The following TBL1X variants were observed in gnomAD, a reference collection of about 807,000 sequenced individuals.
TBL1X encodes transducin beta like 1 X-linked.
Under a neutral mutation model 50.7 loss-of-function variants are expected in TBL1X, and 10 were observed. The observed-to-expected ratio is 0.20, with a 90% CI of 0.12 to 0.33. The LOEUF (loss-of-function observed/expected upper bound fraction) is 0.33, where lower values mean the gene tolerates loss of function less well. TBL1X is among the 10% of genes least tolerant of loss of function. The probability of loss-of-function intolerance (pLI) is 1.00; values close to 1 mark genes in which losing one functional copy is unlikely to be tolerated. For missense variants in TBL1X, 340 were observed against 504.4 expected, an observed-to-expected ratio of 0.67 and a Z score of 3.12; for synonymous variants, 190 against 214.7, an observed-to-expected ratio of 0.88 and a Z score of 1.01.
At chrX:9,687,891 C>T in intron 6 of TBL1X, 126 bp from the exon 7 acceptor site, 2 of 1,087,714 alleles carry the variant, frequency 1.8e-6, no homozygotes, top group Non-Finnish European at 2.4e-6. Context: ...CCCGTGGCCC[C>T]CTGGTTGCTG....
At chrX:9,512,057 C>G (rs1384088437) in intron 2 of TBL1X, among the ~76,000 whole-genome samples, 1 of 110,702 alleles carries the variant, frequency 9.0e-6, no homozygotes, top group African/African-American at 3.3e-5. Flanking sequence ...TGGGGTCTCC[C>G]TATGTTGCCC....
chrX:9,711,829 C>G, intron 16 of TBL1X, 53 bp downstream of exon 16: 1 of 1,129,290 alleles, frequency 8.9e-7, no homozygotes, highest in Non-Finnish European at 1.2e-6. Flanking sequence ...GCCCAAATAG[C>G]CACGACTCCA....
chrX:9,573,897 A>G (rs748625815), intron 2 of TBL1X, among the ~76,000 whole-genome samples: 1 of 112,819 alleles, frequency 8.9e-6, no homozygotes, highest in East Asian at 2.8e-4. Flanking sequence ...GGTGGAGGAT[A>G]GCCCCAGCTC....
chrX:9,622,650 T>C (rs1283304194), intron 2 of TBL1X, among the ~76,000 whole-genome samples: 1 of 110,959 alleles, frequency 9.0e-6, no homozygotes, highest in Non-Finnish European at 1.9e-5. Context: ...TTTGCTTGTT[T>C]GTTTGTTTCT....
chrX:9,688,225 A>C lies in TBL1X; in HGVS notation c.566A>C (p.Lys189Thr). 8.3e-7 allele frequency: 1 copy of C among 1,200,180 alleles called. No individual in the cohort carries two copies. Among genetic ancestry groups the C allele is most frequent in the Non-Finnish European group, 1.1e-6 (1 of 889,329 alleles). Reference protein sequence around the residue: ...SAGVSHQNPSKNREATVNGEE... With the variant: ...SAGVSHQNPSTNREATVNGEE... ...GGCGTTTCCCACCAAAATCCATCGA[A>C]GAACAGAGAGGCCACGGTGAATGGG... The change falls in exon 7 of 18, where the codon AAG (lysine) becomes ACG (threonine). Residue 189 changes from lysine (K) to threonine (T), a missense_variant. Transcript: ENST00000645353.
intron 2 of TBL1X, among the ~76,000 whole-genome samples, chrX:9,583,492 T>C (rs1488992014): frequency 2.7e-5 from 3 of 111,780 alleles, no homozygotes; most frequent in African/African-American, 9.8e-5. Flanking sequence ...ATCTTTGTGT[T>C]GTAGGGTTTT....
intron 5 of TBL1X, among the ~76,000 whole-genome samples, chrX:9,674,495 C>G (rs978719662): frequency 4.5e-5 from 5 of 111,578 alleles, no homozygotes; most frequent in Non-Finnish European, 1.9e-5. Context: ...CTCCTGGGCT[C>G]AAGCGATTCA....
rs184016943 is a variant in TBL1X at position 9,567,385 on chromosome X, G to A, written c.-131+65536G>A. ...GTGCACCGCCACTGCAGCTGTTCTT[G>A]AAGAAGTGGCCAGAAGAGTGAAATT... On this transcript the variant is annotated intron_variant, in intron 2 of 17. Transcript: ENST00000645353. Among the ~76,000 whole-genome samples, 619 of 111,275 alleles carry A rather than the reference G, an allele frequency of 5.6e-3. 13 individuals are homozygous for A. The highest frequency in any genetic ancestry group is 0.052 in the Admixed American group (547 of 10,509).
intron 2 of TBL1X, among the ~76,000 whole-genome samples, chrX:9,554,945 C>G (rs905389734): frequency 2.7e-5 from 3 of 112,116 alleles, no homozygotes; most frequent in Admixed American, 9.5e-5. Context: ...TTTTATGTCT[C>G]TGGATTTGCA....
At chrX:9,636,754 T>C (rs1295810590) in intron 2 of TBL1X, 1 of 112,582 alleles carries the variant, frequency 8.9e-6, no homozygotes, top group Non-Finnish European at 1.9e-5. Context: ...GTGCTTTAGA[T>C]TATTATTTCT....
chrX:9,642,595 C>T (rs1461066046), intron 3 of TBL1X, among the ~76,000 whole-genome samples: 1 of 111,636 alleles, frequency 9.0e-6, no homozygotes, highest in Non-Finnish European at 1.9e-5. Context: ...AGTTCTCAGG[C>T]AGGAAGATTC....
intron 3 of TBL1X, among the ~76,000 whole-genome samples, chrX:9,645,608 T>C (rs929848365): frequency 8.9e-6 from 1 of 112,233 alleles, no homozygotes; most frequent in Non-Finnish European, 1.9e-5. Context: ...TCTTTGATTA[T>C]ATTTACCATT....
intron 2 of TBL1X, among the ~76,000 whole-genome samples, chrX:9,568,316 G>A (rs1009104463): frequency 9.2e-5 from 10 of 108,954 alleles, no homozygotes; most frequent in African/African-American, 3.0e-4. Flanking sequence ...TGTGTGTGTT[G>A]TGTGTCTCTG....
At chrX:9,600,475 G>C (rs202028461) in intron 2 of TBL1X, among the ~76,000 whole-genome samples, 1 of 73,674 alleles carries the variant, frequency 1.4e-5, no homozygotes, top group Non-Finnish European at 2.5e-5. Flanking sequence ...TGGGCGGGGG[G>C]GGGGGTACAC....
chrX:9,647,949 C>T (rs941444688), intron 3 of TBL1X, among the ~76,000 whole-genome samples: 46 of 111,693 alleles, frequency 4.1e-4, no homozygotes, highest in African/African-American at 1.4e-3. Context: ...TTCTGTGCAT[C>T]GGGCTCTGCA....
rs141664731 is a variant in TBL1X at position 9,567,602 on chromosome X, G to A, written c.-131+65753G>A. On this transcript the variant is annotated intron_variant, in intron 2 of 17. Coordinates refer to ENST00000645353, the MANE Select transcript of TBL1X (RefSeq NM_005647.4). ...TATTTTGGTGCTGCACCAGGAGAGT[G>A]CCATCTGCAGTCTGCAGGGCTGTCT... Among the ~76,000 whole-genome samples, 422 of 112,161 alleles carry A rather than the reference G, an allele frequency of 3.8e-3. 2 individuals carry two copies. Among genetic ancestry groups the A allele is most frequent in the Admixed American group, 8.6e-3 (92 of 10,643 alleles).
rs903931331 is a variant in TBL1X at position 9,635,333 on chromosome X, T to C, written c.-130-4940T>C. ...GGGCGGCAGCGGGCACTGTCTCCCC[T>C]GCTCCAGAACACTGTATTGAAATAC... On this transcript the variant is annotated intron_variant, in intron 2 of 17. Coordinates refer to ENST00000645353, the MANE Select transcript of TBL1X (RefSeq NM_005647.4). Among the ~76,000 whole-genome samples, 7 of 110,631 alleles carry C rather than the reference T, an allele frequency of 6.3e-5. 1 individual carries two copies. In the Admixed American group the frequency reaches 6.7e-4, roughly 11 times the overall value.
intron 2 of TBL1X, among the ~76,000 whole-genome samples, chrX:9,620,819 AC>A (rs1191063990): frequency 8.9e-6 from 1 of 111,876 alleles, no homozygotes; most frequent in Non-Finnish European, 1.9e-5. Flanking sequence ...TACCACACTA[AC>A]CAGTGGCTGG....
chrX:9,707,140 G>GA (rs752129516), intron 13 of TBL1X, among the ~76,000 whole-genome samples: 3 of 111,414 alleles, frequency 2.7e-5, no homozygotes, highest in South Asian at 7.7e-4. Context: ...TAAAGCAGGA[G>GA]AGGATGGTCA....
Sources: gnomAD v4.1 joint callset for allele counts (sites outside exome capture counted in the v4.1 genomes callset) on GRCh38, gnomAD v4.1.1 for gene constraint, MANE v1.5 for transcripts, NCBI Gene and HGNC (gene_info 2026-07-23, HGNC 2026-07-21) for gene names.